The following CRTC3 variants were observed in gnomAD, a reference collection of about 807,000 sequenced individuals.
The protein encoded by CRTC3 is CREB-regulated transcription coactivator 3.
CRTC3 carries 26 observed loss-of-function variants against 74.5 expected under a neutral mutation model. That is an observed-to-expected ratio of 0.35 (90% CI 0.26 to 0.48). CRTC3 has a LOEUF of 0.48. Among genes scored for constraint, CRTC3 ranks in the 20% least tolerant of loss-of-function variants. CRTC3 has a pLI of 0.99. For missense variants in CRTC3, 760 were observed against 787.3 expected (o/e 0.97, Z 0.41); for synonymous variants, 377 against 325.8 (o/e 1.16, Z -1.69).
At chr15:90,621,647 G>T (rs1387596678) in intron 9 of CRTC3, among the ~76,000 whole-genome samples, 1 of 152,016 alleles carries the variant, frequency 6.6e-6, no homozygotes, top group Non-Finnish European at 1.5e-5. Flanking sequence ...AGATAGATAG[G>T]GCCTTGCTAT....
intron 2 of CRTC3, among the ~76,000 whole-genome samples, chr15:90,551,424 T>TTTAATTAAGATTAAATTAATTAAATAAAA (rs1966856248): frequency 6.6e-6 from 1 of 152,198 alleles, no homozygotes; most frequent in African/African-American, 2.4e-5. Flanking sequence ...ATTAATTGTA[T>TTTAATTAAGATTAAATTAATTAAATAAAA]TTAATTAAGA....
At chr15:90,605,561 C>T (rs1440347034) in intron 5 of CRTC3, among the ~76,000 whole-genome samples, 1 of 152,198 alleles carries the variant, frequency 6.6e-6, no homozygotes, top group Non-Finnish European at 1.5e-5. Flanking sequence ...TAGATTTTCC[C>T]AGTTGGCTCT....
rs1436980312 is a variant in CRTC3, at chr15:90,530,103, A to T, written c.32A>T (p.Asn11Ile). 2.1e-6 allele frequency: 3 copies of T among 1,450,584 alleles called. No individual in the cohort carries two copies. Among genetic ancestry groups the T allele is most frequent in the Non-Finnish European group, 2.8e-6 (3 of 1,085,922 alleles). The allele number at this position is 1,450,584 out of a possible 1,614,324, so 89.9% of individuals were successfully genotyped here. ...GCCTCGCCGGGCTCGGGCAGCGCCA[A>T]CCCGCGGAAGTTCAGTGAGAAGATC... Reference protein sequence around the residue: MAASPGSGSANPRKFSEKIAL... With the variant: MAASPGSGSAIPRKFSEKIAL... The change falls in exon 1 of 15, where the codon AAC becomes ATC. Residue 11 changes from asparagine to isoleucine, a missense_variant. Around this residue, in one of 2 missense-constraint regions of CRTC3, gnomAD observed 108 missense variants for 152.1 expected, o/e 0.71. Transcript: ENST00000268184. The surrounding 1 kb of genome is among the most constrained non-coding windows in gnomAD (Gnocchi z 6.2).
intron 2 of CRTC3, among the ~76,000 whole-genome samples, chr15:90,575,013 GA>G (rs1032492652): frequency 1.3e-5 from 2 of 150,294 alleles, no homozygotes; most frequent in African/African-American, 2.5e-5. Flanking sequence ...TCTTTATACT[GA>G]AATTTTTTTT....
intron 7 of CRTC3, among the ~76,000 whole-genome samples, chr15:90,615,708 C>G (rs1258560089): frequency 6.6e-6 from 1 of 152,200 alleles, no homozygotes; most frequent in African/African-American, 2.4e-5. Flanking sequence ...CATTAAGGCA[C>G]TGGAGTCTGC....
intron 9 of CRTC3, among the ~76,000 whole-genome samples, chr15:90,623,630 C>A (rs1968726965): frequency 6.6e-6 from 1 of 152,146 alleles, no homozygotes; most frequent in African/African-American, 2.4e-5. Context: ...TCCAGGCCTG[C>A]TCCGTGCACC....
intron 2 of CRTC3, among the ~76,000 whole-genome samples, chr15:90,559,299 T>G (rs1171624621): frequency 6.6e-6 from 1 of 152,172 alleles, no homozygotes; most frequent in Non-Finnish European, 1.5e-5. Flanking sequence ...CTTTTATGAC[T>G]CCCATTTTAC....
At chr15:90,641,838 G>A (rs746464472) in intron 14 of CRTC3, 94 bp from the exon 15 acceptor site, 19 of 1,029,014 alleles carry the variant, frequency 1.8e-5, no homozygotes, top group Non-Finnish European at 2.9e-5. Flanking sequence ...TGGGATAGCA[G>A]TTTAGGGGAC....
intron 3 of CRTC3, chr15:90,598,375 C>CT (rs1967982652): frequency 1.4e-6 from 1 of 700,480 alleles, no homozygotes; most frequent in Non-Finnish European, 2.6e-6. Flanking sequence ...CTGATGTCCT[C>CT]TCTTATCAGA....
intron 11 of CRTC3, among the ~76,000 whole-genome samples, chr15:90,631,776 C>T (rs1480449261): frequency 6.6e-6 from 1 of 151,676 alleles, no homozygotes; most frequent in African/African-American, 2.4e-5. Context: ...GAAATAGGGT[C>T]TCCCTATGTT....
intron 11 of CRTC3, among the ~76,000 whole-genome samples, chr15:90,630,640 A>G (rs1386844099): frequency 6.6e-6 from 1 of 152,134 alleles, no homozygotes; most frequent in Non-Finnish European, 1.5e-5. Flanking sequence ...CATTATAGAA[A>G]CACAGGGGTT....
rs191855019 is a variant in CRTC3 at position 90,642,897 on chromosome 15, G to A, written c.*757G>A. 116 of 232,974 alleles carry A rather than the reference G, an allele frequency of 5.0e-4. No individual in the cohort carries two copies. The East Asian group carries it at 6.1e-3, about 12-fold the overall frequency. 14.4% of individuals were successfully genotyped at this position (232,974 alleles called of 1,614,324 possible). Reference sequence around the variant, plus strand: ...AGAACTGTGCTCCTCCTCGGGGGCTGGGGAAGGAAGACAGGGACTGCAGGT... The same window carrying A: ...AGAACTGTGCTCCTCCTCGGGGGCTAGGGAAGGAAGACAGGGACTGCAGGT... On this transcript the variant is annotated 3_prime_UTR_variant, in exon 15 of 15. Transcript: ENST00000268184.
chr15:90,642,020 A>C lies in CRTC3; in HGVS notation c.1740A>C (p.Pro580=). ...GCCTGAACGTGGACACTCCATTTCC[A>C]CTGGAAGAGGAGCTGCAGATTGAAC... ...EVSLNVDTPF[P]LEEELQIEPL... is the part of the protein sequence containing the mutation. The change falls in exon 15 of 15, where the codon CCA becomes CCC. Residue 580 remains proline, a synonymous_variant. Transcript: ENST00000268184. The C allele has an allele frequency of 6.2e-7, 1 of 1,613,902 alleles. No homozygotes were observed. The highest frequency in any genetic ancestry group is 1.1e-5 in the South Asian group (1 of 91,078).
intron 2 of CRTC3, among the ~76,000 whole-genome samples, chr15:90,548,742 A>G (rs1023071269): frequency 6.6e-6 from 1 of 152,242 alleles, no homozygotes; most frequent in Admixed American, 6.5e-5. Context: ...GGTAATTGTC[A>G]TAGCATTATA....
intron 2 of CRTC3, among the ~76,000 whole-genome samples, chr15:90,575,280 G>A (rs1276614481): frequency 6.6e-6 from 1 of 152,170 alleles, no homozygotes; most frequent in Non-Finnish European, 1.5e-5. Flanking sequence ...GAACCCGGGA[G>A]GCGGAGGTTG....
intron 11 of CRTC3, among the ~76,000 whole-genome samples, chr15:90,631,801 T>TA (rs1276671216): frequency 1.3e-5 from 2 of 151,974 alleles, no homozygotes; most frequent in Non-Finnish European, 2.9e-5. Flanking sequence ...AGGCTGGTCT[T>TA]AAACTCCTGA....
intron 2 of CRTC3, among the ~76,000 whole-genome samples, chr15:90,590,479 CA>C (rs1967774634): frequency 6.6e-6 from 1 of 151,958 alleles, no homozygotes; most frequent in African/African-American, 2.4e-5. Context: ...TGGCTCACTG[CA>C]ACCTCTGCCA....
intron 2 of CRTC3, among the ~76,000 whole-genome samples, 164 bp downstream of exon 2, chr15:90,540,301 C>T (rs1379657607): frequency 1.3e-5 from 2 of 152,242 alleles, no homozygotes; most frequent in East Asian, 1.9e-4. Context: ...CTACAGCATA[C>T]GATAGTGTTA....
At chr15:90,603,214 C>A (rs1009818052) in intron 4 of CRTC3, among the ~76,000 whole-genome samples, 3 of 151,782 alleles carry the variant, frequency 2.0e-5, no homozygotes, top group Non-Finnish European at 4.4e-5. Context: ...GAGGCCAAGG[C>A]GGGCAGATCA....
Sources: gnomAD v4.1 joint callset for allele counts (sites outside exome capture counted in the v4.1 genomes callset) on GRCh38, gnomAD v4.1.1 for gene constraint, gnomAD v4.1.1 regional missense constraint, Gnocchi (gnomAD v3.1) non-coding constraint, MANE v1.5 for transcripts, NCBI Gene and HGNC (gene_info 2026-07-23, HGNC 2026-07-21) for gene names.